Variants in NBEA observed in about 807,000 individuals in gnomAD.
NBEA encodes lysosomal-trafficking regulator 2.
Under a neutral mutation model 343.4 loss-of-function variants are expected in NBEA, and 44 were observed. The observed-to-expected ratio is 0.13, with a 90% CI of 0.10 to 0.16. The LOEUF (loss-of-function observed/expected upper bound fraction) is 0.16, where lower values mean the gene tolerates loss of function less well. Among genes scored for constraint, NBEA ranks in the 10% least tolerant of loss-of-function variants. The pLI is 1.00. For missense variants in NBEA, 2,555 were observed against 3,631.3 expected (o/e 0.70, Z 7.62); for synonymous variants, 1,175 against 1,238.7 (o/e 0.95, Z 1.08).
At chr13:35,092,594 A>C (rs117440504) in intron 10 of NBEA, among the ~76,000 whole-genome samples, 27 of 151,994 alleles carry the variant, frequency 1.8e-4, no homozygotes, top group African/African-American at 6.5e-4. Context: ...GGATGTCAAA[A>C]TAGTTCATGA....
intron 33 of NBEA, among the ~76,000 whole-genome samples, chr13:35,218,414 T>C (rs141433627): frequency 2.6e-5 from 4 of 151,336 alleles, no homozygotes; most frequent in Non-Finnish European, 5.9e-5. Flanking sequence ...TTTCAAAATG[T>C]ATATGTATAT....
chr13:35,398,898 A>G (rs952209017), intron 38 of NBEA, among the ~76,000 whole-genome samples: 1 of 152,110 alleles, frequency 6.6e-6, no homozygotes, highest in Non-Finnish European at 1.5e-5. Flanking sequence ...TTCTCTAGCA[A>G]TGAAAGTCCT....
intron 40 of NBEA, among the ~76,000 whole-genome samples, chr13:35,472,049 G>A (rs1054206007): frequency 1.8e-4 from 28 of 152,076 alleles, no homozygotes; most frequent in Non-Finnish European, 4.0e-4. Flanking sequence ...AGGGTCTCTG[G>A]AAAAGCCAGT....
chr13:35,424,614 T>A (rs1050594418), intron 38 of NBEA, among the ~76,000 whole-genome samples: 3 of 152,192 alleles, frequency 2.0e-5, no homozygotes, highest in Non-Finnish European at 4.4e-5. Flanking sequence ...AATTCTCTTT[T>A]TCAGTTGGGT....
At position 35,411,694 on chromosome 13, in the gene NBEA, T is replaced by C. The variant is rs1013402204; in HGVS notation, c.6180-20575T>C. Among the ~76,000 whole-genome samples, 11 of 152,094 alleles carry C rather than the reference T, an allele frequency of 7.2e-5. No homozygotes were observed. The East Asian group carries it at 2.1e-3, about 29-fold the overall frequency. On this transcript the variant is annotated intron_variant, in intron 38 of 58. Transcript: ENST00000379939. Reference sequence around the variant, plus strand: ...TTTAGTTTTTGTAGATAAAGGGTCATACCATGTTATCCAGGCTGATCTTGA... The same window carrying C: ...TTTAGTTTTTGTAGATAAAGGGTCACACCATGTTATCCAGGCTGATCTTGA...
chr13:35,009,816 G>T (rs1354294263), intron 1 of NBEA, among the ~76,000 whole-genome samples: 2 of 152,172 alleles, frequency 1.3e-5, no homozygotes, highest in Non-Finnish European at 1.5e-5. Context: ...TTAGATCAGG[G>T]TGCTAGCAGT....
At chr13:35,197,243 C>T (rs1012858828) in intron 31 of NBEA, among the ~76,000 whole-genome samples, 1 of 152,028 alleles carries the variant, frequency 6.6e-6, no homozygotes, top group African/African-American at 2.4e-5. Flanking sequence ...TAAAGTAAAT[C>T]ATTGTTATTG....
Position 35,332,257 on chromosome 13 carries a change from G to A in NBEA, c.5904-16851G>A, listed in dbSNP as rs529298323. On this transcript the variant is annotated intron_variant, in intron 36 of 58. Coordinates refer to ENST00000379939, the MANE Select transcript of NBEA (RefSeq NM_001385012.1). ...AAGCTAGTGTGATAAATAAATATCC[G>A]GAACATCTGAGAGATTGGGAGAGGT... 5.9e-5 allele frequency among the ~76,000 whole-genome samples: 9 copies of A among 152,108 alleles called. No individual in the cohort carries two copies. In the South Asian group the frequency reaches 8.3e-4, roughly 14 times the overall value.
At chr13:35,275,205 C>T (rs917745666) in intron 34 of NBEA, among the ~76,000 whole-genome samples, 1 of 152,156 alleles carries the variant, frequency 6.6e-6, no homozygotes, top group African/African-American at 2.4e-5. Context: ...TAACACCACA[C>T]ATGTACAACC....
chr13:35,490,658 A>G (rs1399854422), intron 41 of NBEA, among the ~76,000 whole-genome samples: 1 of 151,992 alleles, frequency 6.6e-6, no homozygotes, highest in Non-Finnish European at 1.5e-5. Context: ...TCTTTAAACA[A>G]GACAAAGAAC....
At chr13:35,263,106 T>G (rs2033350050) in intron 34 of NBEA, among the ~76,000 whole-genome samples, 1 of 152,156 alleles carries the variant, frequency 6.6e-6, no homozygotes, top group Admixed American at 6.5e-5. Flanking sequence ...AACAGTGAAG[T>G]ACTGGAATGA....
chr13:35,406,297 CTTT>C (rs10638454), intron 38 of NBEA, among the ~76,000 whole-genome samples: 18 of 144,182 alleles, frequency 1.2e-4, no homozygotes, highest in African/African-American at 4.3e-4. Context: ...TCAGCCAAAT[CTTT>C]TTTTTTTTTT....
intron 47 of NBEA, among the ~76,000 whole-genome samples, chr13:35,601,442 A>G (rs2153048226): frequency 6.6e-6 from 1 of 152,246 alleles, no homozygotes; most frequent in Middle Eastern, 3.4e-3. Context: ...CTATGCAGAA[A>G]ATTAAAACAG....
chr13:35,093,872 T>G (rs2152631756), intron 10 of NBEA, among the ~76,000 whole-genome samples: 1 of 152,056 alleles, frequency 6.6e-6, no homozygotes. Context: ...GCTTTGAAAG[T>G]TATTTCTTTT....
chr13:35,098,641 C>A (rs533078731), intron 11 of NBEA, among the ~76,000 whole-genome samples: 13 of 152,282 alleles, frequency 8.5e-5, no homozygotes, highest in Admixed American at 6.5e-4. Flanking sequence ...TATATCTATT[C>A]AAGCAATAAG....
At chr13:35,574,835 C>T (rs1259041824) in intron 45 of NBEA, among the ~76,000 whole-genome samples, 3 of 151,814 alleles carry the variant, frequency 2.0e-5, no homozygotes. Context: ...CTGCAACCTC[C>T]GCCTCCAGGG....
At chr13:35,354,826 T>C (rs1266669430) in intron 38 of NBEA, among the ~76,000 whole-genome samples, 1 of 152,180 alleles carries the variant, frequency 6.6e-6, no homozygotes, top group African/African-American at 2.4e-5. Context: ...CTCCAAAATT[T>C]ATTATTCCAA....
chr13:35,519,534 C>T (rs2077613947), intron 41 of NBEA, among the ~76,000 whole-genome samples: 1 of 151,974 alleles, frequency 6.6e-6, no homozygotes, highest in Non-Finnish European at 1.5e-5. Flanking sequence ...ATATTAGTTT[C>T]ATTTATTTTT....
intron 38 of NBEA, among the ~76,000 whole-genome samples, chr13:35,357,938 A>G (rs1178161973): frequency 6.6e-6 from 1 of 152,114 alleles, no homozygotes; most frequent in East Asian, 1.9e-4. Flanking sequence ...AGACCCTTTT[A>G]AAAATATTTT....
Sources: allele counts gnomAD v4.1 joint callset (sites outside exome capture counted in the v4.1 genomes callset), GRCh38; gene constraint gnomAD v4.1.1; transcripts MANE v1.5; gene names NCBI Gene and HGNC (gene_info 2026-07-23, HGNC 2026-07-21).